DPY19L4: variants seen among roughly 807,000 people sequenced by gnomAD.
The protein encoded by DPY19L4 is dpy-19 like 4.
DPY19L4 carries 97 observed loss-of-function variants against 102.8 expected under a neutral mutation model. The observed-to-expected ratio is 0.94, with a 90% confidence interval of 0.80 to 1.12. DPY19L4 has a LOEUF of 1.12. Ranked by LOEUF, DPY19L4 falls within the 50% of genes most tolerant of loss-of-function variation. The pLI is 0.00. For missense variants in DPY19L4, 815 were observed against 850.4 expected (o/e 0.96, Z 0.52); for synonymous variants, 252 against 283.1 (o/e 0.89, Z 1.10).
At chr8:94,765,371 G>T in intron 9 of DPY19L4, 57 bp downstream of exon 9, 1 of 1,501,460 alleles carries the variant, frequency 6.7e-7, no homozygotes, top group Non-Finnish European at 9.0e-7. Flanking sequence ...TTGAAGTGGA[G>T]TCTCACTCTG....
At chr8:94,732,255 G>C (rs910999804) in intron 2 of DPY19L4, among the ~76,000 whole-genome samples, 1 of 151,948 alleles carries the variant, frequency 6.6e-6, no homozygotes, top group East Asian at 1.9e-4. Context: ...GATTTTTACT[G>C]TCAGTCATTC....
intron 2 of DPY19L4, among the ~76,000 whole-genome samples, chr8:94,731,797 G>A (rs1017809047): frequency 6.6e-6 from 1 of 152,146 alleles, no homozygotes; most frequent in African/African-American, 2.4e-5. Flanking sequence ...TGTTGCCCAG[G>A]CTGGAGTGCA....
chr8:94,764,328 G>A (rs1419962620), intron 8 of DPY19L4, among the ~76,000 whole-genome samples: 2 of 152,012 alleles, frequency 1.3e-5, no homozygotes, highest in African/African-American at 4.8e-5. Flanking sequence ...TGTAATCCCA[G>A]CACTTTGGGA....
At chr8:94,732,255 G>A (rs910999804) in intron 2 of DPY19L4, among the ~76,000 whole-genome samples, 1 of 151,948 alleles carries the variant, frequency 6.6e-6, no homozygotes, top group Non-Finnish European at 1.5e-5. Flanking sequence ...GATTTTTACT[G>A]TCAGTCATTC....
intron 13 of DPY19L4, 65 bp downstream of exon 13, chr8:94,770,636 A>G (rs13250360): frequency 0.38 from 609,542 of 1,594,634 alleles, 122,944 homozygotes; most frequent in African/African-American, 0.74. Flanking sequence ...GGTGACTCAC[A>G]CCTGTAATCC....
intron 3 of DPY19L4, among the ~76,000 whole-genome samples, chr8:94,736,133 A>G (rs184269319): frequency 1.6e-3 from 241 of 152,286 alleles, no homozygotes; most frequent in African/African-American, 5.4e-3. Context: ...GCATCCTCAC[A>G]TGGTGGAAGC....
intron 6 of DPY19L4, among the ~76,000 whole-genome samples, chr8:94,747,554 CTTTTT>C (rs1012621845): frequency 9.5e-6 from 1 of 105,496 alleles, no homozygotes; most frequent in Non-Finnish European, 1.9e-5. Context: ...TATGATGGTT[CTTTTT>C]TTTTTTTTTT....
chr8:94,739,313 ATCTT>A, intron 4 of DPY19L4, 96 bp from the exon 5 acceptor site: 1 of 1,359,798 alleles, frequency 7.4e-7, no homozygotes, highest in Non-Finnish European at 9.7e-7. Flanking sequence ...TCTATTTGGG[ATCTT>A]TCTTGATAAC....
At chr8:94,740,731 A>T (rs916938939) in intron 6 of DPY19L4, among the ~76,000 whole-genome samples, 1 of 152,212 alleles carries the variant, frequency 6.6e-6, no homozygotes, top group African/African-American at 2.4e-5. Flanking sequence ...TTGGGATTAC[A>T]GGTGTGAGCC....
chr8:94,781,542 A>G (rs1228986035), intron 16 of DPY19L4, among the ~76,000 whole-genome samples: 1 of 152,202 alleles, frequency 6.6e-6, no homozygotes, highest in Non-Finnish European at 1.5e-5. Flanking sequence ...TTTAATGCCC[A>G]CACAGGACAG....
chr8:94,721,137 G>C (rs890845173), intron 1 of DPY19L4, among the ~76,000 whole-genome samples: 2 of 152,100 alleles, frequency 1.3e-5, no homozygotes, highest in African/African-American at 4.8e-5. Context: ...GTAGAGACGG[G>C]GTTTCTCCAT....
Position 94,783,724 on chromosome 8 carries a change from G to A in DPY19L4, c.1770G>A (p.Ala590=), listed in dbSNP as rs146597276. ...CAGGGAGTCCACAGTTAATGGGTGC[G>A]ATTAAATTATGCACTGGATGGATGG... is the stretch of plus-strand genomic sequence containing the variant. ...VFAGSPQLMG[A]IKLCTGWMVT... Residue 590 remains alanine, a synonymous_variant, in exon 17 of 19, where the codon GCG becomes GCA. Transcript: ENST00000414645. 47 of 1,614,106 alleles carry A rather than the reference G, an allele frequency of 2.9e-5. No homozygotes were observed. The highest frequency in any genetic ancestry group is 2.7e-4 in the African/African-American group (20 of 75,052).
intron 6 of DPY19L4, among the ~76,000 whole-genome samples, chr8:94,750,372 G>C (rs1218950476): frequency 6.6e-6 from 1 of 152,210 alleles, no homozygotes; most frequent in Non-Finnish European, 1.5e-5. Flanking sequence ...TATGTTTATT[G>C]ACGTGTATCT....
intron 1 of DPY19L4, among the ~76,000 whole-genome samples, chr8:94,720,534 G>GC (rs539131460): frequency 6.6e-6 from 1 of 152,170 alleles, no homozygotes; most frequent in Non-Finnish European, 1.5e-5. Context: ...ACTGAAGAAA[G>GC]CCAAGTTCAC....
chr8:94,787,227 A>G (rs1009821996), intron 17 of DPY19L4, among the ~76,000 whole-genome samples: 3 of 152,190 alleles, frequency 2.0e-5, no homozygotes, highest in Non-Finnish European at 4.4e-5. Context: ...GTTTCTTAAC[A>G]CTTAAAAATA....
chr8:94,777,872 T>C, intron 14 of DPY19L4, 86 bp downstream of exon 14: 8 of 1,408,328 alleles, frequency 5.7e-6, no homozygotes, highest in Non-Finnish European at 7.7e-6. Context: ...ACAATTGAAA[T>C]AGCATGAGTA....
rs1175567924 is a variant in DPY19L4 at position 94,761,824 on chromosome 8, A to G, written c.860A>G (p.Gln287Arg). The G allele has an allele frequency of 6.2e-7, 1 of 1,606,096 alleles. No homozygotes were observed. The highest frequency in any genetic ancestry group is 2.2e-5 in the East Asian group (1 of 44,656). ...CTGCTAGATACCTTTTCAGTGGAGC[A>G]AAGTGACAAGGTATTATGGCATTTT... The part of the protein sequence containing the change: ...LFLLDTFSVE[Q>R]SDKVYEVYKI... Residue 287 changes from glutamine (Q) to arginine (R), a missense_variant, in exon 8 of 19, where the codon CAA becomes CGA. Physicochemically the swap from Gln to Arg is conservative, Grantham distance 43. Transcript: ENST00000414645.
intron 1 of DPY19L4, among the ~76,000 whole-genome samples, chr8:94,722,698 T>G (rs550601624): frequency 6.6e-6 from 1 of 152,310 alleles, no homozygotes; most frequent in African/African-American, 2.4e-5. Context: ...TGTTTTATGT[T>G]TATTTGTCAC....
intron 13 of DPY19L4, among the ~76,000 whole-genome samples, chr8:94,776,770 G>A: frequency 6.6e-6 from 1 of 151,782 alleles, no homozygotes; most frequent in East Asian, 2.0e-4. Flanking sequence ...TTTGAGACCA[G>A]CCTGGCCAAC....
Sources: allele counts gnomAD v4.1 joint callset (sites outside exome capture counted in the v4.1 genomes callset), GRCh38; gene constraint gnomAD v4.1.1; transcripts MANE v1.5; gene names NCBI Gene and HGNC (gene_info 2026-07-23, HGNC 2026-07-21).